The following POU2AF1 variants were observed in gnomAD, a reference collection of about 807,000 sequenced individuals.
The protein encoded by POU2AF1 is POU class 2 homeobox associating factor 1.
POU2AF1 carries 12 observed loss-of-function variants against 26.3 expected under a neutral mutation model. The observed-to-expected ratio is 0.46, with a 90% confidence interval of 0.29 to 0.74. The LOEUF (loss-of-function observed/expected upper bound fraction) is 0.74, where lower values mean the gene tolerates loss of function less well. Among genes scored for constraint, POU2AF1 ranks in the 30% least tolerant of loss-of-function variants. The pLI is 0.09. For synonymous variants in POU2AF1, 175 were observed against 148.0 expected, an observed-to-expected ratio of 1.18 and a Z score of -1.32; for missense variants, 297 against 334.5, an observed-to-expected ratio of 0.89 and a Z score of 0.87.
intron 2 of POU2AF1, among the ~76,000 whole-genome samples, chr11:111,358,402 A>ACGC (rs1565360733): frequency 2.5e-5 from 1 of 39,990 alleles, no homozygotes; most frequent in African/African-American, 7.8e-5. Context: ...CCTCACACAC[A>ACGC]TACTCTCTCA....
chr11:111,373,791 G>T (rs1367130565), intron 1 of POU2AF1, among the ~76,000 whole-genome samples: 2 of 152,158 alleles, frequency 1.3e-5, no homozygotes, highest in Non-Finnish European at 2.9e-5. Flanking sequence ...GGGACAAGAG[G>T]GTTTCAGAGA....
At chr11:111,370,009 T>C (rs1298277117) in intron 1 of POU2AF1, among the ~76,000 whole-genome samples, 6 of 152,238 alleles carry the variant, frequency 3.9e-5, no homozygotes, top group African/African-American at 1.4e-4. Context: ...GAGACCATCA[T>C]GTAAGGACCA....
chr11:111,368,048 T>C (rs1861138006), intron 1 of POU2AF1, among the ~76,000 whole-genome samples: 1 of 152,226 alleles, frequency 6.6e-6, no homozygotes, highest in African/African-American at 2.4e-5. Flanking sequence ...ATGAGGTTCT[T>C]GCCCTCTTGG....
chr11:111,364,551 A>G (rs1381933195), intron 1 of POU2AF1, among the ~76,000 whole-genome samples: 1 of 152,196 alleles, frequency 6.6e-6, no homozygotes, highest in Non-Finnish European at 1.5e-5. Flanking sequence ...AACTTTAAGA[A>G]AGCCCATGTC....
chr11:111,372,998 G>A (rs1023123511), intron 1 of POU2AF1, among the ~76,000 whole-genome samples: 2 of 152,222 alleles, frequency 1.3e-5, no homozygotes, highest in African/African-American at 2.4e-5. Context: ...ACATGCCAAG[G>A]ATGGCAGATT....
intron 1 of POU2AF1, among the ~76,000 whole-genome samples, chr11:111,371,689 A>T (rs1353475187): frequency 6.6e-6 from 1 of 152,204 alleles, no homozygotes; most frequent in Non-Finnish European, 1.5e-5. Context: ...TCAGAGGTAG[A>T]TTGTGACAGA....
At chr11:111,378,664 A>G (rs962966078) in intron 1 of POU2AF1, among the ~76,000 whole-genome samples, 3 of 106,568 alleles carry the variant, frequency 2.8e-5, no homozygotes, top group African/African-American at 1.1e-4. Context: ...CACTCCTCCC[A>G]GGGTATCCAC....
At chr11:111,358,240 T>C (rs61896820) in intron 2 of POU2AF1, among the ~76,000 whole-genome samples, 96,042 of 151,164 alleles carry the variant, frequency 0.64, 30,993 homozygotes, top group Admixed American at 0.7. Context: ...CCTTCCTGCC[T>C]GATCCTTTTG....
chr11:111,370,402 A>G (rs1475534611), intron 1 of POU2AF1, among the ~76,000 whole-genome samples: 2 of 152,184 alleles, frequency 1.3e-5, no homozygotes, highest in African/African-American at 4.8e-5. Context: ...ATGAAGACCA[A>G]TGCAATATGT....
chr11:111,364,014 G>C (rs968103768), intron 1 of POU2AF1: 18 of 984,448 alleles, frequency 1.8e-5, no homozygotes, highest in Non-Finnish European at 2.2e-5. Context: ...AATGGAGTTT[G>C]AGGGGGAAAA....
rs777404341 is a variant in POU2AF1 at position 111,358,813 on chromosome 11, C to T, written c.122G>A (p.Ser41Asn). 3 of 1,604,310 alleles carry T rather than the reference C, an allele frequency of 1.9e-6. No individual in the cohort carries two copies. Among genetic ancestry groups the T allele is most frequent in the South Asian group, 1.1e-5 (1 of 90,004 alleles). The change falls in exon 2 of 5, where the codon AGT (serine) becomes AAT (asparagine). Residue 41 changes from serine (S) to asparagine (N), a missense_variant. Coordinates refer to ENST00000393067, the MANE Select transcript of POU2AF1 (RefSeq NM_006235.3). Reference sequence around the variant, plus strand: ...CGCCGTAGGTGCAGGTGCTGCCCCACTGCTGGCGTGGCCTCGCTTCCTCCT... The same window carrying T: ...CGCCGTAGGTGCAGGTGCTGCCCCATTGCTGGCGTGGCCTCGCTTCCTCCT... ...LLRRKRGHAS[S>N]GAAPAPTAVV...
intron 1 of POU2AF1, among the ~76,000 whole-genome samples, chr11:111,375,436 C>G (rs576146595): frequency 4.5e-5 from 5 of 112,072 alleles, no homozygotes; most frequent in Admixed American, 1.3e-4. Flanking sequence ...TCGCTCTGTA[C>G]CCCAGGCTGG....
chr11:111,365,857 CAAAA>C (rs35060957), intron 1 of POU2AF1, among the ~76,000 whole-genome samples: 25 of 137,134 alleles, frequency 1.8e-4, no homozygotes, highest in African/African-American at 2.8e-4. Flanking sequence ...AACTCCATCT[CAAAA>C]AAAAAAAAAA....
chr11:111,378,677 G>A (rs1861358422), intron 1 of POU2AF1, among the ~76,000 whole-genome samples: 1 of 8,208 alleles, frequency 1.2e-4, no homozygotes, highest in East Asian at 3.9e-3. Flanking sequence ...GTATCCACAG[G>A]GACAAGTCAC....
intron 1 of POU2AF1, among the ~76,000 whole-genome samples, chr11:111,374,685 ACT>A (rs1861276238): frequency 6.6e-6 from 1 of 152,096 alleles, no homozygotes; most frequent in African/African-American, 2.4e-5. Flanking sequence ...ACAGAGCAAG[ACT>A]CTATCTCAAA....
In POU2AF1 at chr11:111,352,837, G is replaced by C; in HGVS notation, c.*1424C>G. ...TAATCCCAGCTACTCGGGAGGCTCA[G>C]GCAGGAGAATCACTTGAACTTGGGA... On this transcript the variant is annotated 3_prime_UTR_variant, in exon 5 of 5. Coordinates refer to ENST00000393067, the MANE Select transcript of POU2AF1 (RefSeq NM_006235.3). 5.8e-6 allele frequency: 1 copy of C among 172,710 alleles called. No individual in the cohort carries two copies. The highest frequency in any genetic ancestry group is 1.1e-4 in the East Asian group (1 of 9,222). The allele number at this position is 172,710 out of a possible 1,614,324, so 10.7% of individuals were successfully genotyped here.
In POU2AF1 at chr11:111,352,850, C is replaced by T. The variant is rs1388189563; in HGVS notation, c.*1411G>A. The T allele has an allele frequency of 2.3e-5, 4 of 173,432 alleles. No individual in the cohort carries two copies. The highest frequency in any genetic ancestry group is 2.0e-4 in the South Asian group (1 of 4,988). 10.7% of individuals were successfully genotyped at this position (173,432 alleles called of 1,614,324 possible). A position where few individuals can be genotyped will look rare whatever the true frequency, so the allele number is the denominator to read the frequency against. On this transcript the variant is annotated 3_prime_UTR_variant, in exon 5 of 5. Coordinates refer to ENST00000393067, the MANE Select transcript of POU2AF1 (RefSeq NM_006235.3). Reference sequence around the variant, plus strand: ...TCGGGAGGCTCAGGCAGGAGAATCACTTGAACTTGGGAGACAGAGGTGCAG... The same window carrying T: ...TCGGGAGGCTCAGGCAGGAGAATCATTTGAACTTGGGAGACAGAGGTGCAG...
chr11:111,361,639 A>G (rs1316787537), intron 1 of POU2AF1, among the ~76,000 whole-genome samples: 1 of 152,164 alleles, frequency 6.6e-6, no homozygotes, highest in Non-Finnish European at 1.5e-5. Context: ...ATCATGTCAG[A>G]CAGCTCTTCC....
Position 111,372,049 on chromosome 11 carries a change from CACACACACACACACACACACAG to C in POU2AF1, c.16+7091_16+7112del, listed in dbSNP as rs1489997444. ...ACAAATACACACACACACACACACACACACACACACACACACACACAGAGAGAGAGAGAGAGAGAGATGAAGG... is the reference window on the plus strand; with the variant it reads ...ACAAATACACACACACACACACACACAGAGAGAGAGAGAGAGAGATGAAGG... On this transcript the variant is annotated intron_variant, in intron 1 of 4. Coordinates refer to ENST00000393067, the MANE Select transcript of POU2AF1 (RefSeq NM_006235.3). Among the ~76,000 whole-genome samples, 716 of 132,560 alleles carry C rather than the reference CACACACACACACACACACACAG, an allele frequency of 5.4e-3. 10 individuals are homozygous for C. Among genetic ancestry groups the C allele is most frequent in the African/African-American group, 0.02 (682 of 34,546 alleles). 87.0% of individuals were successfully genotyped at this position (132,560 alleles called of 152,430 possible).
Sources: gnomAD v4.1 joint callset for allele counts (sites outside exome capture counted in the v4.1 genomes callset) on GRCh38, gnomAD v4.1.1 for gene constraint, MANE v1.5 for transcripts, NCBI Gene and HGNC (gene_info 2026-07-23, HGNC 2026-07-21) for gene names.